The following FNDC3B variants were observed in gnomAD, a reference collection of about 807,000 sequenced individuals.
FNDC3B encodes the protein fibronectin type III domain containing 3B.
Under a neutral mutation model 151.5 loss-of-function variants are expected in FNDC3B, and 12 were observed. That is an observed-to-expected ratio of 0.08 (90% confidence interval 0.05 to 0.13). The LOEUF (loss-of-function observed/expected upper bound fraction) is 0.13. FNDC3B is among the 10% of genes least tolerant of loss of function. The pLI, the probability that FNDC3B is intolerant of heterozygous loss-of-function variation, is 1.00. For missense variants in FNDC3B, 1,214 were observed against 1,505.3 expected (o/e 0.81, Z 3.20); for synonymous variants, 528 against 549.0 (o/e 0.96, Z 0.54).
At chr3:172,343,454 T>G (rs1733443492) in intron 18 of FNDC3B, among the ~76,000 whole-genome samples, 1 of 152,160 alleles carries the variant, frequency 6.6e-6, no homozygotes, top group Non-Finnish European at 1.5e-5. Context: ...GGAAAAAAAT[T>G]TTGTGCTCCA....
intron 6 of FNDC3B, among the ~76,000 whole-genome samples, chr3:172,267,566 T>C (rs537884813): frequency 6.6e-6 from 1 of 152,346 alleles, no homozygotes; most frequent in African/African-American, 2.4e-5. Flanking sequence ...TATTCACATG[T>C]AAAATGGCGG....
intron 7 of FNDC3B, among the ~76,000 whole-genome samples, chr3:172,293,808 G>C (rs1236537040): frequency 6.6e-6 from 1 of 152,184 alleles, no homozygotes; most frequent in Non-Finnish European, 1.5e-5. Flanking sequence ...AGACTGAAGA[G>C]AGACTCTGCA....
At chr3:172,292,731 A>G (rs955245154) in intron 7 of FNDC3B, among the ~76,000 whole-genome samples, 1 of 151,958 alleles carries the variant, frequency 6.6e-6, no homozygotes, top group Non-Finnish European at 1.5e-5. Context: ...AAGAAACCAA[A>G]CTCTTTGTAA....
intron 1 of FNDC3B, among the ~76,000 whole-genome samples, chr3:172,065,299 T>C: frequency 6.6e-6 from 1 of 152,190 alleles, no homozygotes; most frequent in East Asian, 1.9e-4. Context: ...GCCACTGCAC[T>C]CCAGCCTGGG....
intron 22 of FNDC3B, among the ~76,000 whole-genome samples, chr3:172,354,152 A>G (rs1733980279): frequency 6.6e-6 from 1 of 152,170 alleles, no homozygotes; most frequent in African/African-American, 2.4e-5. Flanking sequence ...AATTCAAAGT[A>G]TGTTCAATAT....
chr3:172,329,014 A>G lies in FNDC3B; in HGVS notation c.1317A>G (p.Thr439=). Residue 439 remains threonine, a synonymous_variant, in exon 12 of 26, where the codon ACA becomes ACG. Transcript: ENST00000415807. ...GGAGCCAGAAGCACTGCAAGTTGACAAAGCTTTGTCCGGCAATGGGGTACA... is the reference window on the plus strand; with the variant it reads ...GGAGCCAGAAGCACTGCAAGTTGACGAAGCTTTGTCCGGCAATGGGGTACA... ...FFGSQKHCKL[T]KLCPAMGYTF... is the part of the protein sequence containing the mutation. 1 of 1,614,004 alleles carries G rather than the reference A, an allele frequency of 6.2e-7. No individual in the cohort carries two copies. The highest frequency in any genetic ancestry group is 8.5e-7 in the Non-Finnish European group (1 of 1,179,948).
intron 1 of FNDC3B, among the ~76,000 whole-genome samples, chr3:172,103,851 C>A (rs1480067132): frequency 2.0e-5 from 3 of 152,164 alleles, no homozygotes; most frequent in Non-Finnish European, 4.4e-5. Flanking sequence ...AAATTCCAGA[C>A]TGTTTGTGCC....
chr3:172,324,746 T>C (rs989211275), intron 11 of FNDC3B, among the ~76,000 whole-genome samples: 1 of 152,246 alleles, frequency 6.6e-6, no homozygotes, highest in South Asian at 2.1e-4. Flanking sequence ...TATTGGTTCA[T>C]GTCCAGTGAG....
intron 3 of FNDC3B, among the ~76,000 whole-genome samples, chr3:172,150,946 T>A (rs1253002568): frequency 1.3e-5 from 2 of 152,016 alleles, no homozygotes; most frequent in Non-Finnish European, 2.9e-5. Context: ...TCTACATAGG[T>A]TTTTTTTCTA....
At chr3:172,067,855 C>T (rs528733852) in intron 1 of FNDC3B, among the ~76,000 whole-genome samples, 3 of 152,260 alleles carry the variant, frequency 2.0e-5, no homozygotes, top group South Asian at 4.1e-4. Context: ...ATAGGTGTTT[C>T]CTTCTCCTGT....
chr3:172,318,875 A>G (rs1483725028), intron 11 of FNDC3B, among the ~76,000 whole-genome samples: 1 of 152,180 alleles, frequency 6.6e-6, no homozygotes, highest in Non-Finnish European at 1.5e-5. Context: ...TCAGAAAGCC[A>G]AGAGAATTGC....
chr3:172,208,757 C>G (rs1725563616), intron 3 of FNDC3B, among the ~76,000 whole-genome samples: 1 of 114,310 alleles, frequency 8.7e-6, no homozygotes, highest in South Asian at 2.9e-4. Flanking sequence ...GGCCAGGATC[C>G]TCCCCTGCCA....
At chr3:172,177,395 T>G (rs1009339093) in intron 3 of FNDC3B, among the ~76,000 whole-genome samples, 3 of 152,132 alleles carry the variant, frequency 2.0e-5, no homozygotes. Context: ...TTTTTTGGAG[T>G]CTGAGTTTGT....
chr3:172,401,517 C>G lies in FNDC3B; in HGVS notation c.*4042C>G, dbSNP rs1736573977. ...GTTGCCTAATACTTTATCTGTCTAC[C>G]AAAACTCAGTCCAGATCTCCCTCTG... On this transcript the variant is annotated 3_prime_UTR_variant, in exon 26 of 26. Coordinates refer to ENST00000415807, the MANE Select transcript of FNDC3B (RefSeq NM_022763.4). 6.6e-6 allele frequency: 1 copy of G among 152,244 alleles called. No individual in the cohort carries two copies. The highest frequency in any genetic ancestry group is 2.1e-4 in the South Asian group (1 of 4,818). The allele number at this position is 152,244 out of a possible 1,614,324, so 9.4% of individuals were successfully genotyped here.
At chr3:172,201,497 T>A (rs1358406334) in intron 3 of FNDC3B, among the ~76,000 whole-genome samples, 1 of 152,194 alleles carries the variant, frequency 6.6e-6, no homozygotes, top group Non-Finnish European at 1.5e-5. Flanking sequence ...TTTTGTTCAG[T>A]GTGACCTCAT....
intron 14 of FNDC3B, among the ~76,000 whole-genome samples, chr3:172,334,235 G>A (rs1732834547): frequency 6.6e-6 from 1 of 152,012 alleles, no homozygotes; most frequent in African/African-American, 2.4e-5. Flanking sequence ...ATCGATGCTG[G>A]CTATGAGAAC....
At chr3:172,386,340 G>A (rs1385636102) in intron 25 of FNDC3B, among the ~76,000 whole-genome samples, 1 of 152,138 alleles carries the variant, frequency 6.6e-6, no homozygotes, top group African/African-American at 2.4e-5. Flanking sequence ...TTTAATATAA[G>A]CATTGAAGAC....
chr3:172,247,643 C>G lies in FNDC3B; in HGVS notation c.375C>G (p.Pro125=), dbSNP rs771303596. ...SAMSPTHHLP[P]YLTHHPHFIH... is the part of the protein sequence containing the mutation. ...TGTCTCCAACCCATCATCTCCCTCC[C>G]TATCTGACTCACCATCCACATTTTA... Residue 125 remains proline, a synonymous_variant, in exon 5 of 26, where the codon CCC becomes CCG. Transcript: ENST00000415807. The G allele has an allele frequency of 6.2e-7, 1 of 1,614,132 alleles. No homozygotes were observed. The highest frequency in any genetic ancestry group is 1.1e-5 in the South Asian group (1 of 91,086).
chr3:172,373,359 G>T (rs1406189186), intron 23 of FNDC3B, among the ~76,000 whole-genome samples: 1 of 152,164 alleles, frequency 6.6e-6, no homozygotes, highest in Non-Finnish European at 1.5e-5. Flanking sequence ...GCTGTGGTGT[G>T]ATGTCCTAGG....
Sources: gnomAD v4.1 joint callset for allele counts (sites outside exome capture counted in the v4.1 genomes callset) on GRCh38, gnomAD v4.1.1 for gene constraint, MANE v1.5 for transcripts, NCBI Gene and HGNC (gene_info 2026-07-23, HGNC 2026-07-21) for gene names.